ARB2A: variants seen among roughly 807,000 people sequenced by gnomAD.
ARB2A encodes the protein ARB2 cotranscriptional regulator A.
the ARB2A span, among the ~76,000 whole-genome samples, chr5:93,793,453 T>C: frequency 6.6e-5 from 10 of 151,862 alleles, no homozygotes; most frequent in African/African-American, 1.2e-4. Flanking sequence ...TATTTTTTTC[T>C]TCTGAAATAC....
At chr5:94,076,554 C>T in the ARB2A span, among the ~76,000 whole-genome samples, 6 of 152,182 alleles carry the variant, frequency 3.9e-5, no homozygotes, top group Admixed American at 2.0e-4. Flanking sequence ...AAAGAAAATA[C>T]ATCAGACCTA....
the ARB2A span, among the ~76,000 whole-genome samples, chr5:93,744,383 C>T: frequency 3.7e-5 from 5 of 133,820 alleles, no homozygotes; most frequent in Admixed American, 8.7e-5. Context: ...TGCAGTGTGC[C>T]GAGATCGCGC....
the ARB2A span, among the ~76,000 whole-genome samples, chr5:93,919,191 T>C: frequency 1.3e-5 from 2 of 152,158 alleles, no homozygotes; most frequent in Admixed American, 6.6e-5. Flanking sequence ...TCACATATAT[T>C]GTTGGGATAA....
At chr5:93,918,148 A>G in the ARB2A span, among the ~76,000 whole-genome samples, 1 of 152,098 alleles carries the variant, frequency 6.6e-6, no homozygotes, top group Non-Finnish European at 1.5e-5. Context: ...TGTTTTCTCA[A>G]ACTGAACCAA....
At chr5:93,800,381 TCA>T in the ARB2A span, among the ~76,000 whole-genome samples, 24,313 of 140,770 alleles carry the variant, frequency 0.17, 1,729 homozygotes, top group Admixed American at 0.2. Flanking sequence ...CTGCATATTT[TCA>T]CACACACACA....
At chr5:93,787,876 C>T in the ARB2A span, among the ~76,000 whole-genome samples, 4 of 152,138 alleles carry the variant, frequency 2.6e-5, no homozygotes, top group African/African-American at 4.8e-5. Flanking sequence ...AAAATTATTA[C>T]AGTTCTAAAA....
the ARB2A span, among the ~76,000 whole-genome samples, chr5:93,851,022 G>A: frequency 6.6e-6 from 1 of 151,948 alleles, no homozygotes; most frequent in Non-Finnish European, 1.5e-5. Flanking sequence ...CCCTCTGAGA[G>A]TGTGTTCTCT....
the ARB2A span, among the ~76,000 whole-genome samples, chr5:93,822,077 C>G: frequency 6.6e-6 from 1 of 152,146 alleles, no homozygotes; most frequent in Non-Finnish European, 1.5e-5. Context: ...GCAGAGATAG[C>G]AGACTACAGA....
the ARB2A span, among the ~76,000 whole-genome samples, chr5:94,004,647 T>G: frequency 1.3e-5 from 2 of 151,884 alleles, no homozygotes; most frequent in Non-Finnish European, 2.9e-5. Context: ...GGACAAGTTA[T>G]AGGCTGGGAG....
At chr5:93,639,551 A>G in the ARB2A span, among the ~76,000 whole-genome samples, 1 of 152,152 alleles carries the variant, frequency 6.6e-6, no homozygotes, top group African/African-American at 2.4e-5. Flanking sequence ...TCTTCCATTA[A>G]TAGAAAAATG....
the ARB2A span, among the ~76,000 whole-genome samples, chr5:93,725,360 T>A: frequency 2.0e-5 from 3 of 152,084 alleles, no homozygotes; most frequent in Non-Finnish European, 4.4e-5. Context: ...CCACTAGGGA[T>A]TTAAGGCAGA....
chr5:93,646,762 G>GA, the ARB2A span, among the ~76,000 whole-genome samples: 1 of 151,644 alleles, frequency 6.6e-6, no homozygotes, highest in African/African-American at 2.4e-5. Flanking sequence ...CTGAGATATG[G>GA]AAAAAACAAA....
chr5:93,639,928 C>A, the ARB2A span, among the ~76,000 whole-genome samples: 1 of 151,324 alleles, frequency 6.6e-6, no homozygotes, highest in Admixed American at 6.6e-5. Context: ...GCCTGTAATC[C>A]CAGCTACTAG....
the ARB2A span, among the ~76,000 whole-genome samples, chr5:93,635,361 C>T: frequency 6.6e-6 from 1 of 151,876 alleles, no homozygotes; most frequent in Non-Finnish European, 1.5e-5. Context: ...AAAGCCACTT[C>T]AATATTTACT....
chr5:94,062,939 T>C, the ARB2A span, among the ~76,000 whole-genome samples: 1 of 152,198 alleles, frequency 6.6e-6, no homozygotes, highest in Non-Finnish European at 1.5e-5. Flanking sequence ...CCCCTAAGCA[T>C]GGCAGCCCCA....
At chr5:93,890,197 A>C in the ARB2A span, among the ~76,000 whole-genome samples, 1 of 151,994 alleles carries the variant, frequency 6.6e-6, no homozygotes, top group Non-Finnish European at 1.5e-5. Flanking sequence ...AGTTGTTTTT[A>C]GATATAGAAA....
At chr5:94,057,396 A>G in the ARB2A span, among the ~76,000 whole-genome samples, 2 of 152,170 alleles carry the variant, frequency 1.3e-5, no homozygotes, top group Non-Finnish European at 2.9e-5. Flanking sequence ...AGAGGGGAAT[A>G]GGGAGTTATT....
the ARB2A span, among the ~76,000 whole-genome samples, chr5:93,906,049 T>C: frequency 6.6e-6 from 1 of 151,562 alleles, no homozygotes; most frequent in Admixed American, 6.6e-5. Context: ...AAAAAGGCAA[T>C]ACTAGAATAT....
chr5:93,755,494 TGA>T, the ARB2A span, among the ~76,000 whole-genome samples: 5 of 152,164 alleles, frequency 3.3e-5, no homozygotes, highest in Admixed American at 3.3e-4. Flanking sequence ...CCAGCAATCC[TGA>T]GAGGATGCAG....
Sources: allele counts gnomAD v4.1 joint callset (sites outside exome capture counted in the v4.1 genomes callset), GRCh38; gene constraint gnomAD v4.1.1; transcripts MANE v1.5; gene names NCBI Gene and HGNC (gene_info 2026-07-23, HGNC 2026-07-21).